The following NFIB variants were observed in gnomAD, a reference collection of about 807,000 sequenced individuals.
The protein encoded by NFIB is nuclear factor 1 B-type.
Under a neutral mutation model 61.5 loss-of-function variants are expected in NFIB, and 11 were observed. The observed-to-expected ratio is 0.18, with a 90% CI of 0.11 to 0.30. The LOEUF is 0.30. NFIB is among the 10% of genes least tolerant of loss of function. NFIB has a pLI of 1.00. For synonymous variants in NFIB, 260 were observed against 216.5 expected (o/e 1.20, Z -1.76); for missense variants, 471 against 608.9 (o/e 0.77, Z 2.38).
At chr9:14,124,714 A>G (rs144179991) in intron 7 of NFIB, among the ~76,000 whole-genome samples, 12 of 152,230 alleles carry the variant, frequency 7.9e-5, no homozygotes, top group African/African-American at 2.9e-4. Context: ...GCTGTATCTC[A>G]TTTTTAATTT....
At chr9:14,168,929 A>G (rs2045245752) in intron 3 of NFIB, among the ~76,000 whole-genome samples, 1 of 152,190 alleles carries the variant, frequency 6.6e-6, no homozygotes, top group Non-Finnish European at 1.5e-5. Flanking sequence ...ATAAGGTAAC[A>G]TTATTCATGT....
intron 2 of NFIB, among the ~76,000 whole-genome samples, chr9:14,278,875 G>T (rs940899565): frequency 6.6e-6 from 1 of 151,858 alleles, no homozygotes; most frequent in African/African-American, 2.4e-5. Context: ...CATACTGAGG[G>T]GAAAAAAATG....
the NFIB span, among the ~76,000 whole-genome samples, chr9:14,500,245 A>G: frequency 1.3e-5 from 2 of 152,168 alleles, no homozygotes; most frequent in African/African-American, 4.8e-5. Context: ...AAACCCAGGA[A>G]GCCTGGCTTC....
At chr9:14,358,639 G>A (rs947401985) in intron 1 of NFIB, among the ~76,000 whole-genome samples, 1 of 152,130 alleles carries the variant, frequency 6.6e-6, no homozygotes, top group African/African-American at 2.4e-5. Flanking sequence ...TAGCACCCCA[G>A]TTTTCTCTAA....
chr9:14,203,012 T>C (rs111834066), intron 2 of NFIB, among the ~76,000 whole-genome samples: 3 of 152,344 alleles, frequency 2.0e-5, no homozygotes, highest in African/African-American at 7.2e-5. Context: ...ACTGGGAATT[T>C]ATCTCTGAAA....
At chr9:14,519,075 T>C in the NFIB span, among the ~76,000 whole-genome samples, 2 of 152,164 alleles carry the variant, frequency 1.3e-5, no homozygotes, top group Non-Finnish European at 2.9e-5. Flanking sequence ...CAGCTCATTT[T>C]TAAGTTGTGT....
At chr9:14,379,081 A>G (rs2061453569) in intron 1 of NFIB, among the ~76,000 whole-genome samples, 2 of 152,238 alleles carry the variant, frequency 1.3e-5, no homozygotes, top group South Asian at 2.1e-4. Context: ...GAATTACCTC[A>G]AAGAGAGGGC....
chr9:14,473,597 C>T, the NFIB span, among the ~76,000 whole-genome samples: 5 of 152,166 alleles, frequency 3.3e-5, no homozygotes, highest in Non-Finnish European at 5.9e-5. Context: ...AGTCTCTTAT[C>T]GGGCTCCCAT....
chr9:14,448,964 C>A, the NFIB span, among the ~76,000 whole-genome samples: 13 of 152,002 alleles, frequency 8.6e-5, no homozygotes, highest in Non-Finnish European at 1.9e-4. Context: ...TGAGTCAATG[C>A]TAGGGTAGAA....
At chr9:14,095,700 T>G (rs1479177833) in intron 10 of NFIB, among the ~76,000 whole-genome samples, 1 of 152,146 alleles carries the variant, frequency 6.6e-6, no homozygotes. Flanking sequence ...GATTTTCAGT[T>G]AAAAGCAAAA....
At chr9:14,231,142 ATATATATATATATATATATATATAT>A (rs2053142367) in intron 2 of NFIB, among the ~76,000 whole-genome samples, 1 of 120,770 alleles carries the variant, frequency 8.3e-6, no homozygotes. Context: ...AAAAATATAT[ATATATATATATATATATATATATAT>A]TCGTTGAGAC....
the NFIB span, among the ~76,000 whole-genome samples, chr9:14,463,528 A>G: frequency 6.6e-6 from 1 of 152,086 alleles, no homozygotes; most frequent in Non-Finnish European, 1.5e-5. Flanking sequence ...AGCAAAGGAA[A>G]TCTCTAATTC....
chr9:14,098,928 C>T (rs551997233), intron 10 of NFIB, among the ~76,000 whole-genome samples: 1 of 152,180 alleles, frequency 6.6e-6, no homozygotes, highest in Non-Finnish European at 1.5e-5. Context: ...GCTTTGGTTC[C>T]TAAGGGAATG....
At position 14,303,327 on chromosome 9, in the gene NFIB, T is replaced by C. The variant is rs139618702; in HGVS notation, c.562+3662A>G. On this transcript the variant is annotated intron_variant, in intron 2 of 10. Transcript: ENST00000380953. The stretch of plus-strand genomic sequence containing the variant: ...TTGTCATAGCACACCCTGCATCCTA[T>C]AGGACACTTACATCCCAGGAAGCTG... Among the ~76,000 whole-genome samples, 981 of 152,258 alleles carry C rather than the reference T, an allele frequency of 6.4e-3. 15 individuals are homozygous for C. Among genetic ancestry groups the C allele is most frequent in the African/African-American group, 0.022 (922 of 41,550 alleles).
At chr9:14,367,397 G>A (rs759825710) in intron 1 of NFIB, among the ~76,000 whole-genome samples, 4 of 151,802 alleles carry the variant, frequency 2.6e-5, no homozygotes, top group Admixed American at 6.6e-5. Context: ...GTGATCCTGG[G>A]GAAGACATGC....
At chr9:14,417,448 G>C in the NFIB span, among the ~76,000 whole-genome samples, 5 of 152,116 alleles carry the variant, frequency 3.3e-5, no homozygotes, top group African/African-American at 7.2e-5. Context: ...TTCTCAGAAC[G>C]TATTCATCGT....
chr9:14,365,875 A>T (rs1165346493), intron 1 of NFIB, among the ~76,000 whole-genome samples: 1 of 152,126 alleles, frequency 6.6e-6, no homozygotes, highest in African/African-American at 2.4e-5. Flanking sequence ...AAAACCTCCC[A>T]AACTGTACAT....
At chr9:14,378,605 T>C (rs2061447671) in intron 1 of NFIB, among the ~76,000 whole-genome samples, 2 of 152,248 alleles carry the variant, frequency 1.3e-5, no homozygotes, top group East Asian at 3.9e-4. Context: ...TCCACCCGCA[T>C]GGGCCTCCCA....
chr9:14,264,630 C>T (rs912202777), intron 2 of NFIB, among the ~76,000 whole-genome samples: 30 of 152,174 alleles, frequency 2.0e-4, no homozygotes, highest in African/African-American at 7.0e-4. Flanking sequence ...AGGGTCCGAT[C>T]TGCTATATGT....
Sources: allele counts gnomAD v4.1 joint callset (sites outside exome capture counted in the v4.1 genomes callset), GRCh38; gene constraint gnomAD v4.1.1; transcripts MANE v1.5; gene names NCBI Gene and HGNC (gene_info 2026-07-23, HGNC 2026-07-21).